TFCP2L1: variants seen among roughly 807,000 people sequenced by gnomAD.
The protein encoded by TFCP2L1 is transcription factor CP2 like 1.
Under a neutral mutation model 72.2 loss-of-function variants are expected in TFCP2L1, and 12 were observed. The observed-to-expected ratio is 0.17, with a 90% confidence interval of 0.11 to 0.27. The LOEUF (loss-of-function observed/expected upper bound fraction) is 0.27, where lower values mean the gene tolerates loss of function less well. Ranked by LOEUF, TFCP2L1 falls within the 10% of genes least tolerant of loss-of-function variation. The pLI, the probability that TFCP2L1 is intolerant of heterozygous loss-of-function variation, is 1.00. For synonymous variants in TFCP2L1, 260 were observed against 251.0 expected (o/e 1.04, Z -0.34); for missense variants, 488 against 624.6 (o/e 0.78, Z 2.33).
chr2:121,252,856 A>C (rs1162448975), intron 2 of TFCP2L1, among the ~76,000 whole-genome samples: 5 of 152,226 alleles, frequency 3.3e-5, no homozygotes, highest in Non-Finnish European at 7.3e-5. Context: ...TCACCAAAGA[A>C]TAATGGAATG....
At position 121,220,283 on chromosome 2, in the gene TFCP2L1, C is replaced by T. The variant is rs1023563060; in HGVS notation, c.*4058G>A. 6.6e-6 allele frequency: 1 copy of T among 152,250 alleles called. No individual in the cohort carries two copies. Among genetic ancestry groups the T allele is most frequent in the African/African-American group, 2.4e-5 (1 of 41,408 alleles). The allele number at this position is 152,250 out of a possible 1,614,324, so 9.4% of individuals were successfully genotyped here. A position where few individuals can be genotyped will look rare whatever the true frequency, so the allele number is the denominator to read the frequency against. On this transcript the variant is annotated 3_prime_UTR_variant, in exon 15 of 15. Transcript: ENST00000263707. ...TGGGCAAGAGGTCACTAGGGCAACA[C>T]CTGACCTTTGTTTAGGACCCCAAGT...
At position 121,216,621 on chromosome 2, in the gene TFCP2L1, C is replaced by G. The variant is rs1027270457; in HGVS notation, c.*7720G>C. Reference sequence around the variant, plus strand: ...AATGTGAGTTTTATTTGCATTCTAACCCAAGCACAGATCCCACATACAGAC... The same window carrying G: ...AATGTGAGTTTTATTTGCATTCTAAGCCAAGCACAGATCCCACATACAGAC... On this transcript the variant is annotated 3_prime_UTR_variant, in exon 15 of 15. Coordinates refer to ENST00000263707, the MANE Select transcript of TFCP2L1 (RefSeq NM_014553.3). 6 of 152,304 alleles carry G rather than the reference C, an allele frequency of 3.9e-5. No homozygotes were observed. The highest frequency in any genetic ancestry group is 2.1e-4 in the South Asian group (1 of 4,828). 9.4% of individuals were successfully genotyped at this position (152,304 alleles called of 1,614,324 possible).
rs1686195620 is a variant in TFCP2L1 at position 121,234,028 on chromosome 2, G to A, written c.1198+63C>T. The A allele has an allele frequency of 6.4e-5, 91 of 1,425,920 alleles. 1 individual carries two copies. In the South Asian group the frequency reaches 8.4e-4, roughly 13 times the overall value. The allele number at this position is 1,425,920 out of a possible 1,614,324, so 88.3% of individuals were successfully genotyped here. A position where few individuals can be genotyped will look rare whatever the true frequency, so the allele number is the denominator to read the frequency against. On this transcript the variant is annotated intron_variant, in intron 12 of 14. Coordinates refer to ENST00000263707, the MANE Select transcript of TFCP2L1 (RefSeq NM_014553.3). Reference sequence around the variant, plus strand: ...TGGAAATGAACAGAGGCCAGACTGCGGGCTTGAAAGCCAGGCTGCGGGACC... The same window carrying A: ...TGGAAATGAACAGAGGCCAGACTGCAGGCTTGAAAGCCAGGCTGCGGGACC...
chr2:121,281,293 G>C, intron 1 of TFCP2L1, 22 bp from the exon 2 acceptor site: 1 of 1,574,612 alleles, frequency 6.4e-7, no homozygotes, highest in South Asian at 1.2e-5. Context: ...GGGAAGCAGA[G>C]GTCAGGAGCA....
intron 3 of TFCP2L1, among the ~76,000 whole-genome samples, chr2:121,249,317 G>A (rs576393744): frequency 2.6e-5 from 4 of 152,240 alleles, no homozygotes; most frequent in African/African-American, 7.2e-5. Context: ...AGTGCTTTAC[G>A]TTATTAACCC....
chr2:121,233,233 C>T (rs536677709), intron 12 of TFCP2L1, among the ~76,000 whole-genome samples: 1 of 152,222 alleles, frequency 6.6e-6, no homozygotes, highest in Non-Finnish European at 1.5e-5. Flanking sequence ...CACTTTGTCA[C>T]CCAGGCTGGA....
chr2:121,226,493 T>C (rs1306575221), intron 13 of TFCP2L1, among the ~76,000 whole-genome samples: 2 of 152,018 alleles, frequency 1.3e-5, no homozygotes, highest in South Asian at 4.2e-4. Context: ...GAAAAACAAC[T>C]AAATAAAATG....
intron 2 of TFCP2L1, among the ~76,000 whole-genome samples, chr2:121,255,864 T>C (rs1261158475): frequency 6.6e-6 from 1 of 151,974 alleles, no homozygotes; most frequent in Admixed American, 6.6e-5. Context: ...TGCCTCAGGC[T>C]CCCGAGTAGC....
At chr2:121,236,140 A>G (rs1686244494) in intron 10 of TFCP2L1, among the ~76,000 whole-genome samples, 1 of 152,290 alleles carries the variant, frequency 6.6e-6, no homozygotes, top group South Asian at 2.1e-4. Flanking sequence ...CACAATTCAC[A>G]TACCCACTTT....
chr2:121,225,432 G>C (rs1686008859), intron 14 of TFCP2L1, 130 bp downstream of exon 14: 2 of 871,764 alleles, frequency 2.3e-6, no homozygotes, highest in East Asian at 2.5e-5. Context: ...AGCTTTCACG[G>C]AGAGTTTGTG....
chr2:121,269,918 A>AAAAAAAAAAAAAAAAAAAAAAAAATATAT, intron 2 of TFCP2L1, among the ~76,000 whole-genome samples: 2 of 115,182 alleles, frequency 1.7e-5, no homozygotes, highest in South Asian at 3.1e-4. Flanking sequence ...AAAAAAAAAA[A>AAAAAAAAAAAAAAAAAAAAAAAAATATAT]ATATATATAT....
intron 10 of TFCP2L1, among the ~76,000 whole-genome samples, chr2:121,237,404 C>T (rs1353345772): frequency 2.6e-5 from 4 of 152,202 alleles, no homozygotes; most frequent in African/African-American, 7.2e-5. Context: ...GATGGTCCCC[C>T]TCAAGTCACA....
chr2:121,252,733 T>C (rs1328699267), intron 2 of TFCP2L1, among the ~76,000 whole-genome samples: 9 of 152,188 alleles, frequency 5.9e-5, no homozygotes, highest in African/African-American at 2.2e-4. Flanking sequence ...TTCCGACTGC[T>C]AATCTCCAGA....
At chr2:121,249,496 C>T in intron 3 of TFCP2L1, 75 bp downstream of exon 3, 1 of 1,464,036 alleles carries the variant, frequency 6.8e-7, no homozygotes, top group Non-Finnish European at 9.5e-7. Flanking sequence ...CGTGCCCAAC[C>T]CCAGCAAGCC....
intron 7 of TFCP2L1, 43 bp downstream of exon 7, chr2:121,242,316 G>A: frequency 6.4e-7 from 1 of 1,557,640 alleles, no homozygotes; most frequent in Non-Finnish European, 8.9e-7. Context: ...TGCTCCTGGT[G>A]GAAGACCCTT....
At position 121,249,197 on chromosome 2, in the gene TFCP2L1, G is replaced by A. The variant is rs1014076575; in HGVS notation, c.292-110C>T. On this transcript the variant is annotated intron_variant, in intron 3 of 14. Transcript: ENST00000263707. ...TCCCACCTTTGAGGCCCCTCCCCCT[G>A]GGGCTTCCTTTCCCAGTTCTCAAGC... 1.2e-4 allele frequency: 96 copies of A among 797,822 alleles called. No individual in the cohort carries two copies. In the Middle Eastern group the frequency reaches 5.1e-3, roughly 42 times the overall value. The allele number at this position is 797,822 out of a possible 1,614,324, so 49.4% of individuals were successfully genotyped here. A position where few individuals can be genotyped will look rare whatever the true frequency, so the allele number is the denominator to read the frequency against.
intron 4 of TFCP2L1, 22 bp downstream of exon 4, chr2:121,248,960 C>T (rs1356193959): frequency 6.5e-7 from 1 of 1,546,390 alleles, no homozygotes; most frequent in Admixed American, 2.0e-5. Flanking sequence ...CTTGCCTGGC[C>T]TCTCCTGGCC....
Position 121,224,299 on chromosome 2 carries a change from A to T in TFCP2L1, c.*42T>A. The T allele has an allele frequency of 1.2e-6, 2 of 1,612,064 alleles. No individual in the cohort carries two copies. Among genetic ancestry groups the T allele is most frequent in the Non-Finnish European group, 1.7e-6 (2 of 1,178,910 alleles). On this transcript the variant is annotated 3_prime_UTR_variant, in exon 15 of 15. Transcript: ENST00000263707. ...GCAATGTCTACATCCACGGGGATCC[A>T]CAGGGCTGGGAGCTGGAGACAGGTA... is the stretch of plus-strand genomic sequence containing the variant.
chr2:121,232,381 C>T (rs1299515429), intron 12 of TFCP2L1, among the ~76,000 whole-genome samples: 2 of 152,192 alleles, frequency 1.3e-5, no homozygotes, highest in South Asian at 2.1e-4. Context: ...TCAGGTGATC[C>T]GCTCGCCTCA....
Sources: gnomAD v4.1 joint callset for allele counts (sites outside exome capture counted in the v4.1 genomes callset) on GRCh38, gnomAD v4.1.1 for gene constraint, MANE v1.5 for transcripts, NCBI Gene and HGNC (gene_info 2026-07-23, HGNC 2026-07-21) for gene names.